FBXL2: variants seen among roughly 807,000 people sequenced by gnomAD.
FBXL2 encodes the protein F-box/LRR-repeat protein 2.
A neutral mutation model predicts 69.2 loss-of-function variants in FBXL2; 38 were observed. The ratio of observed to expected loss-of-function variants is 0.55; its 90% CI spans 0.42 to 0.72. The LOEUF is 0.72. Ranked by LOEUF, FBXL2 falls within the 30% of genes least tolerant of loss-of-function variation. FBXL2 has a pLI of 0.00. For missense variants in FBXL2, 354 were observed against 520.3 expected, an observed-to-expected ratio of 0.68 and a Z score of 3.11; for synonymous variants, 192 against 201.3, an observed-to-expected ratio of 0.95 and a Z score of 0.39.
At chr3:33,374,180 TAG>T (rs754898651) in intron 9 of FBXL2, among the ~76,000 whole-genome samples, 63 of 152,326 alleles carry the variant, frequency 4.1e-4, no homozygotes, top group Non-Finnish European at 6.3e-4. Flanking sequence ...TTTTGTTGAA[TAG>T]AGTATTAGGG....
At chr3:33,289,886 G>GTTGCACGCCCA in intron 1 of FBXL2, 1 of 686,976 alleles carries the variant, frequency 1.5e-6, no homozygotes, top group Non-Finnish European at 1.8e-6. Flanking sequence ...ATCTAAGCCT[G>GTTGCACGCCCA]GGCGTGCAAC....
At chr3:33,325,066 T>C in intron 2 of FBXL2, among the ~76,000 whole-genome samples, 1 of 152,228 alleles carries the variant, frequency 6.6e-6, no homozygotes, top group East Asian at 1.9e-4. Flanking sequence ...TTCGTAGCAG[T>C]TGTGAATGGG....
intron 1 of FBXL2, among the ~76,000 whole-genome samples, chr3:33,281,148 C>T (rs554303000): frequency 9.9e-5 from 15 of 152,026 alleles, no homozygotes; most frequent in Non-Finnish European, 1.9e-4. Flanking sequence ...GTGCTGTACC[C>T]GTTGTCATTT....
At chr3:33,396,122 G>C in intron 12 of FBXL2, 1 of 1,493,596 alleles carries the variant, frequency 6.7e-7, no homozygotes, top group Non-Finnish European at 9.2e-7. Context: ...CTGTCTGACA[G>C]TCTCAGAAGT....
At position 33,365,284 on chromosome 3, in the gene FBXL2, T is replaced by G. The variant is rs1290015292; in HGVS notation, c.290+565T>G. 8.8e-5 allele frequency among the ~76,000 whole-genome samples: 5 copies of G among 56,572 alleles called. No individual in the cohort carries two copies. The South Asian group carries it at 2.5e-3, about 28-fold the overall frequency. 37.1% of individuals were successfully genotyped at this position (56,572 alleles called of 152,430 possible). ...CTGGATAGCCATTATTTATTGGGGT[T>G]TTTTTTTTTTTTTGAGACCGAGTCT... On this transcript the variant is annotated intron_variant, in intron 5 of 14. Coordinates refer to ENST00000484457, the MANE Select transcript of FBXL2 (RefSeq NM_012157.5).
intron 13 of FBXL2, 24 bp from the exon 14 acceptor site, chr3:33,383,965 T>A (rs755309914): frequency 2.9e-5 from 46 of 1,610,390 alleles, no homozygotes. Flanking sequence ...CCTGCAAACA[T>A]TTACTCATGT....
At chr3:33,390,574 G>A (rs1291554111), downstream of FBXL2, 4 of 603,644 alleles carry the variant, frequency 6.6e-6, no homozygotes, top group Admixed American at 3.0e-5. Flanking sequence ...GACATTCTGC[G>A]AAGCCTGGCC....
intron 14 of FBXL2, 48 bp downstream of exon 14, chr3:33,384,249 C>A (rs1361248169): frequency 1.9e-6 from 3 of 1,557,898 alleles, no homozygotes; most frequent in South Asian, 1.1e-5. Context: ...TTCTAAGCAC[C>A]AAAGGAAAAC....
intron 5 of FBXL2, chr3:33,372,406 G>A (rs2042355896): frequency 6.6e-6 from 1 of 152,640 alleles, no homozygotes. Context: ...CCGGTACCAG[G>A]GCAGGTTGGA....
intron 2 of FBXL2, among the ~76,000 whole-genome samples, chr3:33,358,500 CTTAT>C (rs757940234): frequency 6.6e-6 from 1 of 152,154 alleles, no homozygotes; most frequent in Non-Finnish European, 1.5e-5. Flanking sequence ...AAACTGATCA[CTTAT>C]AGACTTTGCC....
At chr3:33,304,450 TATGAA>T (rs1187720188) in intron 2 of FBXL2, among the ~76,000 whole-genome samples, 2 of 152,148 alleles carry the variant, frequency 1.3e-5, no homozygotes, top group Admixed American at 6.5e-5. Context: ...AAAATTCTGT[TATGAA>T]AGGTGATTCT....
At chr3:33,388,679 CAT>C (rs1049776140), downstream of FBXL2, 4 of 152,112 alleles carry the variant, frequency 2.6e-5, no homozygotes, top group African/African-American at 9.7e-5. Context: ...GTACAGAAAA[CAT>C]GTGGTCACAC....
chr3:33,388,196 A>AAAAT (rs1416508877), downstream of FBXL2: 3 of 152,184 alleles, frequency 2.0e-5, no homozygotes, highest in Non-Finnish European at 4.4e-5. Context: ...CAGCTTTCAG[A>AAAAT]AAATAAACTG....
rs1272355520 is a variant in FBXL2, at chr3:33,387,474, C to T, written c.*1866C>T. The stretch of plus-strand genomic sequence containing the variant: ...AAAATTAGCCGGGCGTGGTGCTGGG[C>T]ACCTGTAATCTCAGCTACTCGGGAG... On this transcript the variant is annotated 3_prime_UTR_variant, in exon 15 of 15. Coordinates refer to ENST00000484457, the MANE Select transcript of FBXL2 (RefSeq NM_012157.5). 2 of 152,154 alleles carry T rather than the reference C, an allele frequency of 1.3e-5. No homozygotes were observed. Among genetic ancestry groups the T allele is most frequent in the Non-Finnish European group, 2.9e-5 (2 of 68,078 alleles). 9.4% of individuals were successfully genotyped at this position (152,154 alleles called of 1,614,324 possible). A position where few individuals can be genotyped will look rare whatever the true frequency, so the allele number is the denominator to read the frequency against.
the FBXL2 span, among the ~76,000 whole-genome samples, chr3:33,420,085 G>A: frequency 6.6e-6 from 1 of 152,094 alleles, no homozygotes; most frequent in Non-Finnish European, 1.5e-5. Context: ...TGGGACTCCA[G>A]GGCAACATGG....
chr3:33,316,705 C>A (rs958362018), intron 2 of FBXL2, among the ~76,000 whole-genome samples: 2 of 152,256 alleles, frequency 1.3e-5, no homozygotes, highest in Admixed American at 1.3e-4. Flanking sequence ...GGCCCTCATC[C>A]ACCTGTATTT....
At chr3:33,421,489 C>T in the FBXL2 span, among the ~76,000 whole-genome samples, 1 of 152,130 alleles carries the variant, frequency 6.6e-6, no homozygotes, top group Non-Finnish European at 1.5e-5. Flanking sequence ...AGGCTGGTCT[C>T]GAACTCTTAA....
intron 4 of FBXL2, among the ~76,000 whole-genome samples, chr3:33,362,995 TAATTAAGATGTTAGCTAGGTAAC>T (rs2041733342): frequency 6.6e-6 from 1 of 152,112 alleles, no homozygotes; most frequent in Non-Finnish European, 1.5e-5. Flanking sequence ...ATTTTCAACA[TAATTAAGATGTTAGCTAGGTAAC>T]AATATGTATC....
At chr3:33,331,688 A>G (rs1281432821) in intron 2 of FBXL2, among the ~76,000 whole-genome samples, 1 of 152,220 alleles carries the variant, frequency 6.6e-6, no homozygotes, top group East Asian at 1.9e-4. Flanking sequence ...ACAAACTAAG[A>G]TTCCTGAGCT....
Sources: allele counts gnomAD v4.1 joint callset (sites outside exome capture counted in the v4.1 genomes callset), GRCh38; gene constraint gnomAD v4.1.1; transcripts MANE v1.5; gene names NCBI Gene and HGNC (gene_info 2026-07-23, HGNC 2026-07-21).